PTPRD: variants seen among roughly 807,000 people sequenced by gnomAD.
The protein encoded by PTPRD is receptor-type tyrosine-protein phosphatase delta.
Under a neutral mutation model 214.5 loss-of-function variants are expected in PTPRD, and 34 were observed. The ratio of observed to expected loss-of-function variants is 0.16; its 90% CI spans 0.12 to 0.21. PTPRD has a LOEUF of 0.21. Among genes scored for constraint, PTPRD ranks in the 10% least tolerant of loss-of-function variants. PTPRD has a pLI of 1.00. For missense variants in PTPRD, 2,545 were observed against 2,398.7 expected (o/e 1.06, Z -1.27); for synonymous variants, 1,128 against 845.7 (o/e 1.33, Z -5.79).
chr9:10,175,959 A>G (rs2099246046), intron 3 of PTPRD, among the ~76,000 whole-genome samples: 1 of 152,008 alleles, frequency 6.6e-6, no homozygotes, highest in South Asian at 2.1e-4. Flanking sequence ...TTTTGGCTGC[A>G]AAGTAGAGTA....
chr9:9,958,048 A>G (rs1473041008), intron 4 of PTPRD, among the ~76,000 whole-genome samples: 3 of 152,234 alleles, frequency 2.0e-5, no homozygotes, highest in Non-Finnish European at 4.4e-5. Flanking sequence ...GAATCTAGAC[A>G]TAGAGCTTAC....
intron 9 of PTPRD, among the ~76,000 whole-genome samples, chr9:9,293,907 T>C (rs1952081738): frequency 6.6e-6 from 1 of 151,642 alleles, no homozygotes; most frequent in Admixed American, 6.6e-5. Flanking sequence ...GCATTCAGTT[T>C]TTTTTAAACC....
intron 5 of PTPRD, among the ~76,000 whole-genome samples, chr9:9,884,142 G>A (rs2153745944): frequency 6.6e-6 from 1 of 152,188 alleles, no homozygotes; most frequent in South Asian, 2.1e-4. Context: ...CTATGTAGCA[G>A]TGAAGTTTAT....
At chr9:9,759,967 T>A (rs2098636830) in intron 6 of PTPRD, among the ~76,000 whole-genome samples, 2 of 152,198 alleles carry the variant, frequency 1.3e-5, no homozygotes, top group Admixed American at 1.3e-4. Flanking sequence ...CCTTCTCCTC[T>A]AACCTGGTGT....
chr9:8,592,150 A>C (rs554666688), intron 14 of PTPRD, among the ~76,000 whole-genome samples: 2 of 152,304 alleles, frequency 1.3e-5, no homozygotes, highest in East Asian at 3.9e-4. Flanking sequence ...TTGACAATAC[A>C]CTTAATCAGA....
chr9:9,765,152 A>G (rs2098696167), intron 6 of PTPRD, among the ~76,000 whole-genome samples: 1 of 152,300 alleles, frequency 6.6e-6, no homozygotes, highest in African/African-American at 2.4e-5. Context: ...TGACCAAAAA[A>G]TTATATGAAA....
At chr9:9,158,387 G>T (rs1333094602) in intron 10 of PTPRD, among the ~76,000 whole-genome samples, 1 of 152,028 alleles carries the variant, frequency 6.6e-6, no homozygotes, top group Non-Finnish European at 1.5e-5. Context: ...AGATCACGAG[G>T]TCAGGAGTTC....
At chr9:8,923,006 TCTTC>T (rs1197323436) in intron 11 of PTPRD, among the ~76,000 whole-genome samples, 5 of 147,052 alleles carry the variant, frequency 3.4e-5, no homozygotes, top group East Asian at 2.1e-4. Context: ...CTTTTTCTCT[TCTTC>T]CTTTGTTTCT....
intron 5 of PTPRD, among the ~76,000 whole-genome samples, chr9:9,879,656 T>C (rs1025745891): frequency 6.6e-6 from 1 of 152,152 alleles, no homozygotes; most frequent in Non-Finnish European, 1.5e-5. Context: ...TTGACAGAGA[T>C]CCTAAGTGAA....
chr9:8,896,094 T>G (rs7023322), intron 11 of PTPRD, among the ~76,000 whole-genome samples: 1 of 152,210 alleles, frequency 6.6e-6, no homozygotes, highest in Non-Finnish European at 1.5e-5. Flanking sequence ...AGTGTTGACA[T>G]GGGGCAAGAC....
chr9:10,262,622 G>T (rs1197064801), intron 3 of PTPRD, among the ~76,000 whole-genome samples: 1 of 152,218 alleles, frequency 6.6e-6, no homozygotes, highest in African/African-American at 2.4e-5. Flanking sequence ...CAAAGCAGAA[G>T]ATTCTGGATC....
At chr9:8,726,879 G>C (rs939748555) in intron 12 of PTPRD, among the ~76,000 whole-genome samples, 1 of 151,156 alleles carries the variant, frequency 6.6e-6, no homozygotes, top group African/African-American at 2.4e-5. Context: ...GCTGAGGTGA[G>C]AGGATGACTT....
intron 4 of PTPRD, among the ~76,000 whole-genome samples, chr9:9,943,224 CTCCT>C (rs935774862): frequency 1.3e-5 from 2 of 152,160 alleles, no homozygotes; most frequent in Non-Finnish European, 2.9e-5. Context: ...CAGGATTCAT[CTCCT>C]TCCTAGTTGT....
At chr9:9,917,966 G>C (rs541382935) in intron 5 of PTPRD, among the ~76,000 whole-genome samples, 1 of 152,098 alleles carries the variant, frequency 6.6e-6, no homozygotes, top group East Asian at 1.9e-4. Context: ...ACATCTTACT[G>C]ATCAGTGAAA....
intron 9 of PTPRD, among the ~76,000 whole-genome samples, chr9:9,246,089 A>T (rs142669855): frequency 6.6e-6 from 1 of 152,136 alleles, no homozygotes; most frequent in African/African-American, 2.4e-5. Context: ...TTTTACTTTG[A>T]TTATCTTTGG....
chr9:8,723,725 A>C (rs998484718), intron 12 of PTPRD, among the ~76,000 whole-genome samples: 1 of 151,838 alleles, frequency 6.6e-6, no homozygotes, highest in East Asian at 1.9e-4. Context: ...TTTTTCTCTC[A>C]CTCCTTTATA....
intron 10 of PTPRD, among the ~76,000 whole-genome samples, chr9:9,143,714 T>C (rs2099863966): frequency 6.6e-6 from 1 of 152,204 alleles, no homozygotes; most frequent in Admixed American, 6.5e-5. Context: ...AATAATTTGG[T>C]CACACATTTT....
chr9:9,349,370 G>A (rs2050200918), intron 9 of PTPRD, among the ~76,000 whole-genome samples: 1 of 151,982 alleles, frequency 6.6e-6, no homozygotes, highest in South Asian at 2.1e-4. Flanking sequence ...ATCTTGCACA[G>A]GGACCATAAA....
At chr9:9,515,324 A>G (rs1430820851) in intron 8 of PTPRD, among the ~76,000 whole-genome samples, 2 of 152,054 alleles carry the variant, frequency 1.3e-5, no homozygotes, top group Non-Finnish European at 2.9e-5. Flanking sequence ...TTGAATATCT[A>G]TGAGATTTTA....
Sources: allele counts gnomAD v4.1 joint callset (sites outside exome capture counted in the v4.1 genomes callset), GRCh38; gene constraint gnomAD v4.1.1; transcripts MANE v1.5; gene names NCBI Gene and HGNC (gene_info 2026-07-23, HGNC 2026-07-21).